Variants in PPP2R2B observed in about 807,000 individuals in gnomAD.
The protein encoded by PPP2R2B is serine/threonine-protein phosphatase 2A 55 kDa regulatory subunit B beta isoform.
PPP2R2B carries 5 observed loss-of-function variants against 46.0 expected under a neutral mutation model. The observed-to-expected ratio is 0.11, with a 90% CI of 0.06 to 0.23. PPP2R2B has a LOEUF of 0.23. PPP2R2B is among the 10% of genes least tolerant of loss of function. The pLI is 1.00. For synonymous variants in PPP2R2B, 215 were observed against 206.7 expected, an observed-to-expected ratio of 1.04 and a Z score of -0.34; for missense variants, 367 against 575.0, an observed-to-expected ratio of 0.64 and a Z score of 3.70.
intron 2 of PPP2R2B, among the ~76,000 whole-genome samples, chr5:146,803,931 G>T (rs1378121267): frequency 1.3e-5 from 2 of 152,150 alleles, no homozygotes; most frequent in East Asian, 3.9e-4. Flanking sequence ...ACTTTGGGAG[G>T]CCGAGGCAGG....
rs1762049004 is a variant in PPP2R2B, at chr5:146,878,661, G to A, written c.-195C>T. 1.6e-6 allele frequency: 2 copies of A among 1,274,418 alleles called. No homozygotes were observed. The highest frequency in any genetic ancestry group is 1.5e-5 in the African/African-American group (1 of 64,570). The allele number at this position is 1,274,418 out of a possible 1,614,324, so 78.9% of individuals were successfully genotyped here. On this transcript the variant is annotated 5_prime_UTR_variant, in exon 1 of 10. Coordinates refer to ENST00000394411, the MANE Select transcript of PPP2R2B (RefSeq NM_181675.4). This position sits in a 1 kb window ranked among gnomAD's most constrained non-coding sequence, Gnocchi z 4.5. ...AGGCGGGGGTAGGGAAGCTGGCGGG[G>A]AGCTGGGCAGGGCGCTGCAGCCGGC...
intron 2 of PPP2R2B, among the ~76,000 whole-genome samples, chr5:146,738,800 T>C (rs1230588701): frequency 6.6e-6 from 1 of 152,150 alleles, no homozygotes; most frequent in Non-Finnish European, 1.5e-5. Flanking sequence ...TAGAGAACAA[T>C]AAAACTAATT....
intron 2 of PPP2R2B, among the ~76,000 whole-genome samples, chr5:146,768,931 G>A (rs1754665698): frequency 6.8e-6 from 1 of 147,324 alleles, no homozygotes; most frequent in Non-Finnish European, 1.5e-5. Flanking sequence ...GCCTCTCACT[G>A]AGGCTGAGGC....
chr5:147,078,569 C>T (rs1020675547), intron 2 of PPP2R2B, among the ~76,000 whole-genome samples: 11 of 152,048 alleles, frequency 7.2e-5, no homozygotes, highest in East Asian at 3.9e-4. Context: ...AGGCGGATCA[C>T]GAGGTCAGGA....
At chr5:146,920,744 G>A (rs1763574049) in intron 1 of PPP2R2B, among the ~76,000 whole-genome samples, 1 of 152,140 alleles carries the variant, frequency 6.6e-6, no homozygotes, top group Non-Finnish European at 1.5e-5. Context: ...CCAGCACACT[G>A]TTGTGTCCTT....
intron 2 of PPP2R2B, among the ~76,000 whole-genome samples, chr5:146,861,216 C>T (rs1461957607): frequency 2.0e-5 from 3 of 151,886 alleles, no homozygotes; most frequent in African/African-American, 7.3e-5. Flanking sequence ...CCACCACGCC[C>T]GGCTAATTTT....
At position 146,703,983 on chromosome 5, in the gene PPP2R2B, T is replaced by A. The variant is rs565102426; in HGVS notation, c.71-2841A>T. Reference sequence around the variant, plus strand: ...TAGCCAGCTGCTCTGTACATGAACCTGTTTATATCATGCTATTGTCTACTT... The same window carrying A: ...TAGCCAGCTGCTCTGTACATGAACCAGTTTATATCATGCTATTGTCTACTT... On this transcript the variant is annotated intron_variant, in intron 2 of 9. Transcript: ENST00000394411. Among the ~76,000 whole-genome samples the A allele has an allele frequency of 2.0e-5, 3 of 152,330 alleles. No homozygotes were observed. In the South Asian group the frequency reaches 6.2e-4, roughly 32 times the overall value.
chr5:146,654,757 C>A (rs1315765086), intron 5 of PPP2R2B, among the ~76,000 whole-genome samples: 1 of 152,168 alleles, frequency 6.6e-6, no homozygotes, highest in Non-Finnish European at 1.5e-5. Flanking sequence ...AGGTTAAGCA[C>A]CTTGTCCATG....
intron 2 of PPP2R2B, among the ~76,000 whole-genome samples, chr5:146,806,438 T>C (rs1757182384): frequency 6.6e-6 from 1 of 152,188 alleles, no homozygotes; most frequent in Non-Finnish European, 1.5e-5. Flanking sequence ...ATTGCTCAGC[T>C]TGTAAAATGC....
chr5:146,660,990 G>A (rs180774483), intron 5 of PPP2R2B, among the ~76,000 whole-genome samples: 8 of 152,298 alleles, frequency 5.3e-5, no homozygotes, highest in Admixed American at 2.0e-4. Context: ...TTTCATGAGA[G>A]AAAGAAATAG....
At chr5:147,050,417 A>G (rs1301034066) in intron 1 of PPP2R2B, among the ~76,000 whole-genome samples, 1 of 152,146 alleles carries the variant, frequency 6.6e-6, no homozygotes, top group Non-Finnish European at 1.5e-5. Context: ...TTGGTTCTAA[A>G]TATGTGAAAG....
At chr5:146,781,538 A>G (rs541662905) in intron 2 of PPP2R2B, among the ~76,000 whole-genome samples, 64 of 152,126 alleles carry the variant, frequency 4.2e-4, no homozygotes, top group Middle Eastern at 3.4e-3. Context: ...AATCTCATCT[A>G]AATTCCTAGC....
rs540979686 is a variant in PPP2R2B at position 146,638,996 on chromosome 5, A to G, written c.626-581T>C. On this transcript the variant is annotated intron_variant, in intron 6 of 9. Transcript: ENST00000394411. ...CTGTACAAAGCATATCATGTACTTTATCTCATTTAATCCTTACAAGAACTC... is the reference window on the plus strand; with the variant it reads ...CTGTACAAAGCATATCATGTACTTTGTCTCATTTAATCCTTACAAGAACTC... 9.2e-5 allele frequency among the ~76,000 whole-genome samples: 14 copies of G among 152,350 alleles called. No individual in the cohort carries two copies. The East Asian group carries it at 2.7e-3, about 29-fold the overall frequency.
intron 1 of PPP2R2B, among the ~76,000 whole-genome samples, chr5:146,993,975 C>T (rs900066200): frequency 1.3e-5 from 2 of 152,166 alleles, no homozygotes; most frequent in East Asian, 3.9e-4. Flanking sequence ...AACTTCTTCT[C>T]ATTAAAACCA....
intron 5 of PPP2R2B, among the ~76,000 whole-genome samples, chr5:146,661,339 A>C (rs1776653208): frequency 6.6e-6 from 1 of 152,198 alleles, no homozygotes; most frequent in Non-Finnish European, 1.5e-5. Context: ...GTCCAAATCT[A>C]GGGTGCATAG....
chr5:146,674,645 C>A (rs974825264), intron 5 of PPP2R2B, among the ~76,000 whole-genome samples: 3 of 152,106 alleles, frequency 2.0e-5, no homozygotes, highest in African/African-American at 4.8e-5. Context: ...TTAAAATACA[C>A]CAAGGTGGAA....
intron 2 of PPP2R2B, among the ~76,000 whole-genome samples, chr5:146,845,312 T>TC (rs2151376342): frequency 5.0e-4 from 1 of 1,984 alleles, no homozygotes. Flanking sequence ...TTTCTTTTTT[T>TC]TGTTTTTTTT....
chr5:146,609,807 C>T (rs1240060772), intron 7 of PPP2R2B, among the ~76,000 whole-genome samples: 1 of 133,214 alleles, frequency 7.5e-6, no homozygotes, highest in Non-Finnish European at 1.6e-5. Context: ...CGGCGCACCA[C>T]GAGACTATAT....
chr5:146,734,456 G>A (rs1388014593), intron 2 of PPP2R2B, among the ~76,000 whole-genome samples: 2 of 152,116 alleles, frequency 1.3e-5, no homozygotes, highest in Non-Finnish European at 2.9e-5. Flanking sequence ...CTTTGCAGGT[G>A]AGGAAACTGA....
Sources: allele counts gnomAD v4.1 joint callset (sites outside exome capture counted in the v4.1 genomes callset), GRCh38; gene constraint gnomAD v4.1.1; non-coding constraint Gnocchi (gnomAD v3.1); transcripts MANE v1.5; gene names NCBI Gene and HGNC (gene_info 2026-07-23, HGNC 2026-07-21).